The following UBR3 variants were observed in gnomAD, a reference collection of about 807,000 sequenced individuals.
The protein encoded by UBR3 is ubiquitin protein ligase E3 component n-recognin 3.
UBR3 carries 85 observed loss-of-function variants against 243.2 expected under a neutral mutation model. That is an observed-to-expected ratio of 0.35 (90% CI 0.29 to 0.42). The LOEUF (loss-of-function observed/expected upper bound fraction) is 0.42. UBR3 is among the 10% of genes least tolerant of loss of function. The pLI is 1.00. For synonymous variants in UBR3, 748 were observed against 799.8 expected (o/e 0.94, Z 1.09); for missense variants, 1,686 against 2,300.8 (o/e 0.73, Z 5.47).
chr2:169,990,599 G>A (rs2089227629), intron 25 of UBR3, among the ~76,000 whole-genome samples: 1 of 151,798 alleles, frequency 6.6e-6, no homozygotes, highest in Non-Finnish European at 1.5e-5. Flanking sequence ...AAAGGGAAGG[G>A]GGATGGAGGA....
At chr2:169,843,523 T>A (rs115351514) in intron 1 of UBR3, among the ~76,000 whole-genome samples, 1,785 of 152,320 alleles carry the variant, frequency 0.012, 50 homozygotes, top group African/African-American at 0.04. Context: ...ACAGTGGGGA[T>A]TCAGTTACAA....
intron 32 of UBR3, among the ~76,000 whole-genome samples, chr2:170,051,942 C>T (rs1224362813): frequency 6.6e-6 from 1 of 151,924 alleles, no homozygotes; most frequent in Non-Finnish European, 1.5e-5. Flanking sequence ...TCTTCCTTCA[C>T]AATTTTATCT....
At chr2:169,902,533 A>G (rs866124229) in intron 8 of UBR3, among the ~76,000 whole-genome samples, 4 of 113,702 alleles carry the variant, frequency 3.5e-5, no homozygotes, top group African/African-American at 1.0e-4. Flanking sequence ...CTGCTCCACC[A>G]TCACTAGTTT....
At chr2:169,977,258 C>T (rs918445252) in intron 24 of UBR3, among the ~76,000 whole-genome samples, 6 of 151,874 alleles carry the variant, frequency 4.0e-5, no homozygotes, top group East Asian at 1.9e-4. Context: ...TAGAGAGATA[C>T]GAAGTTCAAA....
intron 1 of UBR3, among the ~76,000 whole-genome samples, chr2:169,850,171 C>CT (rs56133731): frequency 0.012 from 672 of 57,262 alleles, 22 homozygotes; most frequent in African/African-American, 0.034. Context: ...TGTTCTAGAG[C>CT]TTTTTTTTTT....
intron 1 of UBR3, among the ~76,000 whole-genome samples, chr2:169,847,088 T>TGC (rs2082506467): frequency 4.6e-5 from 1 of 21,918 alleles, no homozygotes; most frequent in African/African-American, 8.3e-5. Context: ...ACTGTGTGTG[T>TGC]GTGTGTGTGT....
chr2:169,872,293 C>T lies in UBR3; in HGVS notation c.603C>T (p.Asp201=), dbSNP rs999465382. ...CAAATATTCCCTGTGTCCCTAAAGACTTACTGATGATGTCTGAATTTGTTC... is the reference window on the plus strand; with the variant it reads ...CAAATATTCCCTGTGTCCCTAAAGATTTACTGATGATGTCTGAATTTGTTC... ...SSSNIPCVPK[D]LLMMSEFVLP... is the part of the protein sequence containing the mutation. The change falls in exon 2 of 39, where the codon GAC becomes GAT. Residue 201 remains aspartate, a synonymous_variant. Transcript: ENST00000272793. 19 of 1,538,444 alleles carry T rather than the reference C, an allele frequency of 1.2e-5. No individual in the cohort carries two copies. The highest frequency in any genetic ancestry group is 1.7e-5 in the Non-Finnish European group (19 of 1,138,890).
intron 1 of UBR3, among the ~76,000 whole-genome samples, chr2:169,845,579 T>C (rs1327115883): frequency 6.6e-6 from 1 of 151,064 alleles, no homozygotes; most frequent in African/African-American, 2.4e-5. Context: ...TCTTTCTTCT[T>C]TCTTCTTCTT....
At chr2:169,924,291 A>G (rs1574213085) in intron 13 of UBR3, 118 bp downstream of exon 13, 1 of 766,436 alleles carries the variant, frequency 1.3e-6, no homozygotes. Flanking sequence ...TTTTTTTAAA[A>G]AGTTGTTATT....
At chr2:169,856,075 C>A (rs879478284) in intron 1 of UBR3, among the ~76,000 whole-genome samples, 1 of 151,616 alleles carries the variant, frequency 6.6e-6, no homozygotes, top group Non-Finnish European at 1.5e-5. Context: ...ACTTCCCAGA[C>A]GGGGCGGCTG....
At chr2:169,869,172 T>C (rs1218136839) in intron 1 of UBR3, among the ~76,000 whole-genome samples, 1 of 88,512 alleles carries the variant, frequency 1.1e-5, no homozygotes, top group African/African-American at 3.3e-5. Flanking sequence ...TCTCTCTGCC[T>C]TTTTTTTTTT....
intron 33 of UBR3, among the ~76,000 whole-genome samples, chr2:170,056,803 T>G (rs973253010): frequency 6.6e-6 from 1 of 152,204 alleles, no homozygotes; most frequent in African/African-American, 2.4e-5. Context: ...ATCACAGAGT[T>G]CACTGTGTCT....
chr2:169,899,630 G>T (rs2084733975), intron 8 of UBR3, among the ~76,000 whole-genome samples: 1 of 152,040 alleles, frequency 6.6e-6, no homozygotes, highest in South Asian at 2.1e-4. Context: ...TCTACATTAG[G>T]TATTTCTCCT....
chr2:170,011,045 G>T (rs2090067249), intron 29 of UBR3, among the ~76,000 whole-genome samples: 2 of 152,024 alleles, frequency 1.3e-5, no homozygotes, highest in African/African-American at 4.8e-5. Context: ...CACATCTGTA[G>T]TCCCAGCTAC....
At chr2:169,847,402 ATG>A (rs1320846341) in intron 1 of UBR3, among the ~76,000 whole-genome samples, 2 of 152,058 alleles carry the variant, frequency 1.3e-5, no homozygotes, top group Non-Finnish European at 2.9e-5. Context: ...TTTATAGTAT[ATG>A]TCTTTCACTT....
In UBR3 at chr2:170,082,088, CAATT is replaced by C. The variant is rs1373536128; in HGVS notation, c.*249_*252del. The stretch of plus-strand genomic sequence containing the variant: ...CTTTAGTGGTCATTTTTTAAGTGCA[CAATT>C]AATAAGAAGCACAACTTGTTCACAA... On this transcript the variant is annotated 3_prime_UTR_variant, in exon 39 of 39. Coordinates refer to ENST00000272793, the MANE Select transcript of UBR3 (RefSeq NM_172070.4). 1 of 310,040 alleles carries C rather than the reference CAATT, an allele frequency of 3.2e-6. No individual in the cohort carries two copies. Among genetic ancestry groups the C allele is most frequent in the Non-Finnish European group, 5.8e-6 (1 of 171,084 alleles). The allele number at this position is 310,040 out of a possible 1,614,324, so 19.2% of individuals were successfully genotyped here.
At chr2:169,904,860 A>C (rs1444726313) in intron 8 of UBR3, among the ~76,000 whole-genome samples, 1 of 152,140 alleles carries the variant, frequency 6.6e-6, no homozygotes. Context: ...TAATTACTAT[A>C]ATGATATACT....
intron 1 of UBR3, among the ~76,000 whole-genome samples, chr2:169,841,307 C>A (rs1180073889): frequency 6.6e-6 from 1 of 152,142 alleles, no homozygotes; most frequent in Non-Finnish European, 1.5e-5. Context: ...TGCTAAATAT[C>A]CTAGTTTATA....
intron 30 of UBR3, among the ~76,000 whole-genome samples, chr2:170,015,775 A>C (rs988158471): frequency 6.6e-6 from 1 of 151,944 alleles, no homozygotes; most frequent in African/African-American, 2.4e-5. Context: ...TGATGTGTAT[A>C]TTAAAATGTA....
Sources: allele counts gnomAD v4.1 joint callset (sites outside exome capture counted in the v4.1 genomes callset), GRCh38; gene constraint gnomAD v4.1.1; transcripts MANE v1.5; gene names NCBI Gene and HGNC (gene_info 2026-07-23, HGNC 2026-07-21).